DIAPH2: variants seen among roughly 807,000 people sequenced by gnomAD.
DIAPH2 encodes the protein protein diaphanous homolog 2.
In DIAPH2, 35 loss-of-function variants were observed where a neutral mutation model predicts 92.7. The observed-to-expected ratio is 0.38, with a 90% CI of 0.29 to 0.50. DIAPH2 has a LOEUF of 0.50. Among genes scored for constraint, DIAPH2 ranks in the 20% least tolerant of loss-of-function variants. The pLI is 0.94. For synonymous variants in DIAPH2, 301 were observed against 280.4 expected, an observed-to-expected ratio of 1.07 and a Z score of -0.73; for missense variants, 701 against 819.5, an observed-to-expected ratio of 0.86 and a Z score of 1.77.
intron 26 of DIAPH2, among the ~76,000 whole-genome samples, chrX:97,594,218 A>C (rs2071536638): frequency 9.0e-6 from 1 of 110,799 alleles, no homozygotes; most frequent in African/African-American, 3.3e-5. Flanking sequence ...TACACAAAAG[A>C]CACTATTCTG....
rs1217337775 is a variant in DIAPH2, at chrX:97,600,601, C to CTT, written c.*1285_*1286dup. 1 of 112,204 alleles carries CTT rather than the reference C, an allele frequency of 8.9e-6. No homozygotes were observed. The highest frequency in any genetic ancestry group is 1.9e-5 in the Non-Finnish European group (1 of 53,158). 9.2% of individuals were successfully genotyped at this position (112,204 alleles called of 1,213,427 possible). A position where few individuals can be genotyped will look rare whatever the true frequency, so the allele number is the denominator to read the frequency against. ...AATAAATTAGGGAGTAAAAGTTATA[C>CTT]TTAACTTGTCTGTCTATTATTTTAA... is the stretch of plus-strand genomic sequence containing the variant. On this transcript the variant is annotated 3_prime_UTR_variant, in exon 27 of 27. Transcript: ENST00000324765.
intron 26 of DIAPH2, among the ~76,000 whole-genome samples, chrX:97,435,558 A>G (rs1162739953): frequency 1.8e-5 from 2 of 111,558 alleles, no homozygotes; most frequent in East Asian, 2.8e-4. Flanking sequence ...GGTGAAAGGT[A>G]CATCTCATTT....
chrX:97,155,863 T>C (rs2067318851), intron 22 of DIAPH2, among the ~76,000 whole-genome samples: 1 of 112,289 alleles, frequency 8.9e-6, no homozygotes, highest in Non-Finnish European at 1.9e-5. Flanking sequence ...TGGCTGTATT[T>C]TTATTATATT....
intron 1 of DIAPH2, among the ~76,000 whole-genome samples, chrX:96,700,464 C>T (rs1200003038): frequency 4.5e-5 from 5 of 112,238 alleles, no homozygotes; most frequent in East Asian, 5.6e-4. Flanking sequence ...TCTTCAAATA[C>T]CACCTGGATG....
At chrX:97,355,404 TAA>T (rs747177499) in intron 24 of DIAPH2, among the ~76,000 whole-genome samples, 4 of 99,040 alleles carry the variant, frequency 4.0e-5, no homozygotes, top group African/African-American at 3.7e-5. Flanking sequence ...CACTTGACAT[TAA>T]AAAAAAAAAA....
At chrX:97,059,003 A>G (rs1453723188) in intron 17 of DIAPH2, among the ~76,000 whole-genome samples, 14 of 112,142 alleles carry the variant, frequency 1.2e-4, no homozygotes, top group Non-Finnish European at 2.6e-4. Flanking sequence ...AGAGAAAGTG[A>G]CATTTGACTT....
chrX:97,302,952 C>G (rs2068719348), intron 23 of DIAPH2, among the ~76,000 whole-genome samples: 1 of 112,377 alleles, frequency 8.9e-6, no homozygotes, highest in African/African-American at 3.2e-5. Flanking sequence ...CCACTGCACT[C>G]CAGCCTAGGG....
intron 20 of DIAPH2, among the ~76,000 whole-genome samples, chrX:97,108,884 G>A (rs1168470213): frequency 9.0e-6 from 1 of 111,046 alleles, no homozygotes; most frequent in African/African-American, 3.3e-5. Context: ...GTTGGGTTTG[G>A]GGGAAAAGAT....
intron 24 of DIAPH2, among the ~76,000 whole-genome samples, chrX:97,369,150 C>T (rs1184480288): frequency 5.4e-5 from 6 of 110,755 alleles, no homozygotes; most frequent in African/African-American, 6.6e-5. Context: ...TCAGGTGATC[C>T]GCCCGCCTCA....
At chrX:97,385,006 G>T (rs1244449754) in intron 25 of DIAPH2, among the ~76,000 whole-genome samples, 1 of 110,815 alleles carries the variant, frequency 9.0e-6, no homozygotes, top group Non-Finnish European at 1.9e-5. Flanking sequence ...GAAAGTGATT[G>T]GTATCAGGTA....
At chrX:97,376,886 T>C (rs2069506521) in intron 24 of DIAPH2, among the ~76,000 whole-genome samples, 1 of 112,333 alleles carries the variant, frequency 8.9e-6, no homozygotes, top group South Asian at 3.7e-4. Flanking sequence ...CAGAATACAG[T>C]ATGTAACACA....
chrX:97,005,625 C>T (rs1274811113), intron 17 of DIAPH2, among the ~76,000 whole-genome samples: 4 of 110,893 alleles, frequency 3.6e-5, no homozygotes, highest in African/African-American at 1.3e-4. Flanking sequence ...CTGCAAGCTC[C>T]GCCTCCCGGG....
At chrX:97,559,292 C>A (rs1490928373) in intron 26 of DIAPH2, among the ~76,000 whole-genome samples, 1 of 111,037 alleles carries the variant, frequency 9.0e-6, no homozygotes, top group African/African-American at 3.3e-5. Context: ...GAGATCAAGA[C>A]CATCCTGGCC....
intron 26 of DIAPH2, among the ~76,000 whole-genome samples, chrX:97,465,774 C>T (rs891873985): frequency 8.9e-6 from 1 of 111,778 alleles, no homozygotes; most frequent in East Asian, 2.8e-4. Flanking sequence ...CTGCAACCTC[C>T]AACTCCTGGG....
At chrX:97,106,601 C>G (rs1423163367) in intron 20 of DIAPH2, among the ~76,000 whole-genome samples, 2 of 111,203 alleles carry the variant, frequency 1.8e-5, no homozygotes, top group African/African-American at 6.5e-5. Flanking sequence ...TCATTTTTCC[C>G]CTCCACATAT....
intron 9 of DIAPH2, among the ~76,000 whole-genome samples, chrX:96,922,980 A>G (rs983803423): frequency 8.1e-5 from 9 of 111,418 alleles, no homozygotes; most frequent in Non-Finnish European, 1.7e-4. Context: ...CAGGAGGTAA[A>G]ATAGAGGCCA....
chrX:96,933,147 C>T (rs2065630957), intron 10 of DIAPH2, among the ~76,000 whole-genome samples: 1 of 109,786 alleles, frequency 9.1e-6, no homozygotes, highest in South Asian at 3.9e-4. Context: ...AAATATGACT[C>T]TGATTCTCAA....
At chrX:97,490,640 T>C (rs946768866) in intron 26 of DIAPH2, among the ~76,000 whole-genome samples, 2 of 111,206 alleles carry the variant, frequency 1.8e-5, no homozygotes, top group African/African-American at 6.5e-5. Flanking sequence ...TTTTCTAATT[T>C]TTTTTTTAAT....
chrX:97,576,023 G>A (rs751759504), intron 26 of DIAPH2, among the ~76,000 whole-genome samples: 10 of 111,555 alleles, frequency 9.0e-5, no homozygotes, highest in Non-Finnish European at 1.7e-4. Context: ...GTTCAAAGCT[G>A]TCTCCCATAC....
Sources: allele counts gnomAD v4.1 joint callset (sites outside exome capture counted in the v4.1 genomes callset), GRCh38; gene constraint gnomAD v4.1.1; transcripts MANE v1.5; gene names NCBI Gene and HGNC (gene_info 2026-07-23, HGNC 2026-07-21).